Variants in PDE4D observed in about 807,000 individuals in gnomAD.
PDE4D encodes phosphodiesterase 4D, also known as 3',5'-cyclic-AMP phosphodiesterase 4D.
In PDE4D, 24 loss-of-function variants were observed where a neutral mutation model predicts 87.4. That is an observed-to-expected ratio of 0.27 (90% CI 0.20 to 0.39). The LOEUF (loss-of-function observed/expected upper bound fraction) is 0.39, where lower values mean the gene tolerates loss of function less well. PDE4D is among the 10% of genes least tolerant of loss of function. The pLI, the probability that PDE4D is intolerant of heterozygous loss-of-function variation, is 1.00. For missense variants in PDE4D, 714 were observed against 1,041.0 expected, an observed-to-expected ratio of 0.69 and a Z score of 4.32; for synonymous variants, 384 against 383.2, an observed-to-expected ratio of 1.00 and a Z score of -0.02.
At chr5:60,397,984 G>A (rs1395331215) in intron 1 of PDE4D, among the ~76,000 whole-genome samples, 1 of 152,180 alleles carries the variant, frequency 6.6e-6, no homozygotes, top group Non-Finnish European at 1.5e-5. Flanking sequence ...TCACAGCACA[G>A]GCTCTACTGG....
intron 2 of PDE4D, among the ~76,000 whole-genome samples, chr5:59,994,675 A>G (rs1017033324): frequency 6.6e-6 from 1 of 152,116 alleles, no homozygotes. Flanking sequence ...GGAAGAAGCC[A>G]TGGTTTCTTA....
At chr5:60,175,587 T>G (rs1210648030) in intron 2 of PDE4D, among the ~76,000 whole-genome samples, 2 of 152,182 alleles carry the variant, frequency 1.3e-5, no homozygotes, top group Non-Finnish European at 2.9e-5. Flanking sequence ...GTTGTTATTT[T>G]CTTAATATTT....
chr5:59,053,650 T>TTG lies in PDE4D; in HGVS notation c.809-14680_809-14679insCA, dbSNP rs1444878457. Among the ~76,000 whole-genome samples, 808 of 111,054 alleles carry TTG rather than the reference T, an allele frequency of 7.3e-3. 30 individuals are homozygous for TTG. Among genetic ancestry groups the TTG allele is most frequent in the East Asian group, 0.034 (75 of 2,216 alleles). The allele number at this position is 111,054 out of a possible 152,430, so 72.9% of individuals were successfully genotyped here. ...ATTAAGTTGTTTTGTTTTTTGTTTT[T>TTG]TTTTGTTGTTGTTTTTTTTTTTTGG... On this transcript the variant is annotated intron_variant, in intron 5 of 14. Transcript: ENST00000340635.
At position 59,669,559 on chromosome 5, in the gene PDE4D, A is replaced by G. The variant is rs367991000; in HGVS notation, c.455+223609T>C. Among the ~76,000 whole-genome samples the G allele has an allele frequency of 4.6e-5, 7 of 152,288 alleles. No individual in the cohort carries two copies. In the East Asian group the frequency reaches 1.2e-3, roughly 25 times the overall value. On this transcript the variant is annotated intron_variant, in intron 1 of 14. Coordinates refer to ENST00000340635, the MANE Select transcript of PDE4D (RefSeq NM_001104631.2). ...CCTTGAAAAATTAGTTTTCTCCATT[A>G]AATTATTAAAATTTAACTAATTCTG...
chr5:60,506,277 G>T (rs968192263), intron 1 of PDE4D, among the ~76,000 whole-genome samples: 1 of 152,194 alleles, frequency 6.6e-6, no homozygotes, highest in African/African-American at 2.4e-5. Flanking sequence ...ATGCATACAT[G>T]CACACGTGAA....
chr5:59,588,244 G>A (rs561481546), intron 1 of PDE4D, among the ~76,000 whole-genome samples: 80 of 152,258 alleles, frequency 5.3e-4, no homozygotes, highest in African/African-American at 1.5e-3. Context: ...ATTTCTTCAT[G>A]CTTGCTCCTT....
chr5:59,855,191 C>A (rs2152722675), intron 1 of PDE4D, among the ~76,000 whole-genome samples: 1 of 152,172 alleles, frequency 6.6e-6, no homozygotes, highest in South Asian at 2.1e-4. Flanking sequence ...ACAAAGATGA[C>A]AATTAAATAA....
intron 6 of PDE4D, chr5:59,002,103 C>T (rs1347528461): frequency 3.9e-6 from 2 of 511,590 alleles, no homozygotes; most frequent in South Asian, 1.4e-5. Flanking sequence ...ATTTAAAAGA[C>T]TGAGAGAAAT....
chr5:60,201,427 C>A (rs1005753492), intron 1 of PDE4D, among the ~76,000 whole-genome samples: 1 of 151,964 alleles, frequency 6.6e-6, no homozygotes, highest in Non-Finnish European at 1.5e-5. Flanking sequence ...TACAAAACTT[C>A]ATTGAAGTAC....
At chr5:59,062,547 G>A (rs975486200) in intron 5 of PDE4D, among the ~76,000 whole-genome samples, 2 of 152,006 alleles carry the variant, frequency 1.3e-5, no homozygotes, top group African/African-American at 2.4e-5. Context: ...GGAATACATC[G>A]AGGAGTTTAG....
rs764541091 is a variant in PDE4D at position 59,230,166 on chromosome 5, ACCTCCCTCTCTC to A, written c.456-14210_456-14199del. Among the ~76,000 whole-genome samples the A allele has an allele frequency of 1.7e-4, 26 of 148,756 alleles. No homozygotes were observed. The Middle Eastern group carries it at 0.014, about 79-fold the overall frequency. On this transcript the variant is annotated intron_variant, in intron 1 of 14. Coordinates refer to ENST00000340635, the MANE Select transcript of PDE4D (RefSeq NM_001104631.2). ...TTTATTCTTTCCCTCCCTCCCTATC[ACCTCCCTCTCTC>A]CCTCCCTCTCTATTTTCAGTACCCA...
At chr5:59,487,848 T>G (rs1805421834) in intron 1 of PDE4D, among the ~76,000 whole-genome samples, 1 of 152,204 alleles carries the variant, frequency 6.6e-6, no homozygotes, top group Admixed American at 6.5e-5. Context: ...AGATCCCGCA[T>G]GTAACAAATG....
intron 1 of PDE4D, among the ~76,000 whole-genome samples, chr5:60,316,045 G>T (rs1755555754): frequency 6.6e-6 from 1 of 152,088 alleles, no homozygotes; most frequent in African/African-American, 2.4e-5. Flanking sequence ...TAGCTTGATG[G>T]GGATGGCATT....
intron 2 of PDE4D, among the ~76,000 whole-genome samples, chr5:60,012,274 C>T (rs1051562118): frequency 3.3e-5 from 5 of 152,110 alleles, no homozygotes; most frequent in African/African-American, 1.2e-4. Flanking sequence ...TGAGTGCATG[C>T]TACTTTTTCC....
chr5:60,372,794 T>C (rs905288331), intron 1 of PDE4D: 13 of 152,362 alleles, frequency 8.5e-5, no homozygotes, highest in African/African-American at 3.1e-4. Flanking sequence ...TTAAAATTGT[T>C]GTGAGACTTA....
At chr5:58,989,986 TAA>T in intron 9 of PDE4D, 67 bp from the exon 10 acceptor site, 1 of 661,068 alleles carries the variant, frequency 1.5e-6, no homozygotes, top group Non-Finnish European at 2.4e-6. Context: ...AGAGTATGTT[TAA>T]AAAAAAAAAT....
intron 2 of PDE4D, among the ~76,000 whole-genome samples, chr5:60,105,009 G>A (rs1221748557): frequency 1.3e-5 from 2 of 152,230 alleles, no homozygotes; most frequent in South Asian, 2.1e-4. Flanking sequence ...AAAGCTGGAC[G>A]AAGAATGACT....
chr5:60,342,848 T>C (rs571391562), intron 1 of PDE4D, among the ~76,000 whole-genome samples: 1 of 152,316 alleles, frequency 6.6e-6, no homozygotes, highest in African/African-American at 2.4e-5. Context: ...GAGGGCACTT[T>C]GGCAAAGCCT....
chr5:60,521,687 GA>G (rs1210956552), intron 1 of PDE4D: 1 of 152,118 alleles, frequency 6.6e-6, no homozygotes, highest in African/African-American at 2.4e-5. Context: ...AGGGAGAGGG[GA>G]GGGGGAAGGG....
Sources: gnomAD v4.1 joint callset for allele counts (sites outside exome capture counted in the v4.1 genomes callset) on GRCh38, gnomAD v4.1.1 for gene constraint, MANE v1.5 for transcripts, NCBI Gene and HGNC (gene_info 2026-07-23, HGNC 2026-07-21) for gene names.